The following SULF1 variants were observed in gnomAD, a reference collection of about 807,000 sequenced individuals.
SULF1 encodes sulfatase 1, also known as extracellular sulfatase Sulf-1.
A neutral mutation model predicts 110.5 loss-of-function variants in SULF1; 46 were observed. The observed-to-expected ratio is 0.42, with a 90% confidence interval of 0.33 to 0.53. SULF1 has a LOEUF of 0.53. Ranked by LOEUF, SULF1 falls within the 20% of genes least tolerant of loss-of-function variation. SULF1 has a pLI of 0.12. For synonymous variants in SULF1, 371 were observed against 387.1 expected, an observed-to-expected ratio of 0.96 and a Z score of 0.49; for missense variants, 941 against 1,094.2, an observed-to-expected ratio of 0.86 and a Z score of 1.98.
At chr8:69,543,171 C>T (rs1330193761) in intron 3 of SULF1, among the ~76,000 whole-genome samples, 1 of 152,122 alleles carries the variant, frequency 6.6e-6, no homozygotes, top group Non-Finnish European at 1.5e-5. Context: ...TCCATACTTG[C>T]AAATATATAA....
chr8:69,599,990 G>A (rs563095788), intron 8 of SULF1, among the ~76,000 whole-genome samples: 3 of 152,222 alleles, frequency 2.0e-5, no homozygotes, highest in South Asian at 4.2e-4. Flanking sequence ...TTTATTAAAC[G>A]AATAGCTTTA....
At chr8:69,562,321 C>T (rs939511573) in intron 3 of SULF1, among the ~76,000 whole-genome samples, 2 of 152,162 alleles carry the variant, frequency 1.3e-5, no homozygotes, top group African/African-American at 4.8e-5. Flanking sequence ...TGTCACCTTC[C>T]AGAATTAAGG....
chr8:69,646,490 A>G (rs1811922277), intron 22 of SULF1, among the ~76,000 whole-genome samples: 1 of 150,030 alleles, frequency 6.7e-6, no homozygotes, highest in Non-Finnish European at 1.5e-5. Flanking sequence ...CCGTGGCACC[A>G]TCTTGGCTCA....
rs543086614 is a variant in SULF1, at chr8:69,469,072, C to G, written c.-391+2122C>G. Among the ~76,000 whole-genome samples the G allele has an allele frequency of 7.2e-5, 11 of 152,348 alleles. No homozygotes were observed. The East Asian group carries it at 2.1e-3, about 29-fold the overall frequency. On this transcript the variant is annotated intron_variant, in intron 1 of 22. Transcript: ENST00000260128. ...AAACGGCAGCCGTGTTTTTGTCCCC[C>G]TAACAGGGTAATGTGAAGTTACTTC...
chr8:69,623,814 A>T (rs566018934), intron 14 of SULF1, 128 bp from the exon 15 acceptor site: 2 of 1,102,624 alleles, frequency 1.8e-6, no homozygotes, highest in Non-Finnish European at 2.6e-6. Context: ...AGGCACCACG[A>T]TGCCACTCAG....
At chr8:69,509,961 T>A (rs975871410) in intron 3 of SULF1, among the ~76,000 whole-genome samples, 2 of 152,234 alleles carry the variant, frequency 1.3e-5, no homozygotes, top group African/African-American at 4.8e-5. Flanking sequence ...ACATGACTTG[T>A]GCATACATGT....
chr8:69,578,734 G>A (rs1336963032), intron 6 of SULF1, among the ~76,000 whole-genome samples: 2 of 151,888 alleles, frequency 1.3e-5, no homozygotes, highest in African/African-American at 4.8e-5. Flanking sequence ...ATTTGCTCCT[G>A]GAAACTAAAT....
intron 19 of SULF1, among the ~76,000 whole-genome samples, chr8:69,637,333 A>G (rs571939793): frequency 6.6e-6 from 1 of 151,922 alleles, no homozygotes; most frequent in Admixed American, 6.6e-5. Flanking sequence ...TTGAACCACC[A>G]CTCCACTGTA....
chr8:69,491,846 G>A (rs1165040970), upstream of SULF1, among the ~76,000 whole-genome samples: 3 of 152,120 alleles, frequency 2.0e-5, no homozygotes, highest in Admixed American at 6.5e-5. Flanking sequence ...GACAGACAAC[G>A]CATGCGGAAT....
At chr8:69,528,636 G>A (rs1334373125) in intron 3 of SULF1, among the ~76,000 whole-genome samples, 1 of 152,166 alleles carries the variant, frequency 6.6e-6, no homozygotes, top group Admixed American at 6.5e-5. Flanking sequence ...AGAAGAAAGG[G>A]TCATACCAGT....
intron 1 of SULF1, among the ~76,000 whole-genome samples, chr8:69,494,897 AAAAAG>A (rs1481110831): frequency 3.1e-4 from 47 of 152,128 alleles, no homozygotes; most frequent in Admixed American, 2.2e-3. Flanking sequence ...AAAAAAAAAA[AAAAAG>A]AGAGAGACTA....
chr8:69,519,876 G>C (rs867656724), intron 3 of SULF1, among the ~76,000 whole-genome samples: 27 of 152,114 alleles, frequency 1.8e-4, no homozygotes, highest in African/African-American at 4.1e-4. Context: ...AAGAATTACA[G>C]TCAGACTGCT....
At chr8:69,598,532 C>T (rs1474437776) in intron 8 of SULF1, among the ~76,000 whole-genome samples, 2 of 152,186 alleles carry the variant, frequency 1.3e-5, no homozygotes, top group Admixed American at 6.5e-5. Flanking sequence ...GCTGGGATTA[C>T]AGGCGCCCGC....
chr8:69,473,803 G>A (rs1326685579), intron 1 of SULF1, among the ~76,000 whole-genome samples: 1 of 152,184 alleles, frequency 6.6e-6, no homozygotes, highest in African/African-American at 2.4e-5. Flanking sequence ...ACAAACTGCT[G>A]TAACCAGATG....
Position 69,593,035 on chromosome 8 carries a change from T to A in SULF1, c.734+3894T>A, listed in dbSNP as rs1205983890. 3.3e-6 allele frequency: 3 copies of A among 905,496 alleles called. No individual in the cohort carries two copies. The African/African-American group carries it at 5.4e-5, about 16-fold the overall frequency. 56.1% of individuals were successfully genotyped at this position (905,496 alleles called of 1,614,324 possible). A position where few individuals can be genotyped will look rare whatever the true frequency, so the allele number is the denominator to read the frequency against. On this transcript the variant is annotated intron_variant, in intron 8 of 22. Coordinates refer to ENST00000402687, the MANE Select transcript of SULF1 (RefSeq NM_001128205.2). The stretch of plus-strand genomic sequence containing the variant: ...TAGCCACAGGAAATGAAAATTCATG[T>A]GATTGTTTGAAGGATTCAGCTTCTC...
intron 15 of SULF1, among the ~76,000 whole-genome samples, chr8:69,626,986 C>T (rs191124388): frequency 2.9e-4 from 44 of 152,380 alleles, no homozygotes; most frequent in Middle Eastern, 3.4e-3. Context: ...AGAGGAGGCG[C>T]GGAGAGCGAG....
Position 69,601,822 on chromosome 8 carries a change from G to T in SULF1, c.1054G>T (p.Gly352Ter). 6.2e-7 allele frequency: 1 copy of T among 1,608,270 alleles called. No homozygotes were observed. The highest frequency in any genetic ancestry group is 8.5e-7 in the Non-Finnish European group (1 of 1,177,214). Residue 352 changes from glycine to a stop codon, truncating the protein, a stop_gained, in exon 10 of 23, where the codon GGA (glycine) becomes TGA (stop). Transcript: ENST00000402687. LOFTEE classifies it high-confidence loss of function. Reference protein sequence around the residue: ...FFIRGPSVEPGSIVPQIVLNI... With the variant: ...FFIRGPSVEP ...TATTCGTGGTCCAAGTGTAGAACCAGGATCAATGTACGTATTTCTCTGTTT... is the reference window on the plus strand; with the variant it reads ...TATTCGTGGTCCAAGTGTAGAACCATGATCAATGTACGTATTTCTCTGTTT...
chr8:69,648,921 G>A (rs1812127619), intron 22 of SULF1, among the ~76,000 whole-genome samples: 1 of 152,200 alleles, frequency 6.6e-6, no homozygotes, highest in Admixed American at 6.5e-5. Context: ...ACCTGGGTAT[G>A]TTCTTGAATT....
intron 19 of SULF1, among the ~76,000 whole-genome samples, chr8:69,632,014 T>C (rs1810596197): frequency 6.6e-6 from 1 of 152,258 alleles, no homozygotes; most frequent in Non-Finnish European, 1.5e-5. Flanking sequence ...GATACTGTAT[T>C]CCTGACCCAA....
Sources: allele counts gnomAD v4.1 joint callset (sites outside exome capture counted in the v4.1 genomes callset), GRCh38; gene constraint gnomAD v4.1.1; transcripts MANE v1.5; gene names NCBI Gene and HGNC (gene_info 2026-07-23, HGNC 2026-07-21).